Variants in MKLN1 observed in about 807,000 individuals in gnomAD.
MKLN1 encodes the protein muskelin.
In MKLN1, 18 loss-of-function variants were observed where a neutral mutation model predicts 99.0. The ratio of observed to expected loss-of-function variants is 0.18; its 90% CI spans 0.13 to 0.27. MKLN1 has a LOEUF of 0.27. Ranked by LOEUF, MKLN1 falls within the 10% of genes least tolerant of loss-of-function variation. MKLN1 has a pLI of 1.00. For missense variants in MKLN1, 621 were observed against 875.9 expected (o/e 0.71, Z 3.67); for synonymous variants, 288 against 293.2 (o/e 0.98, Z 0.18).
intron 3 of MKLN1, among the ~76,000 whole-genome samples, chr7:131,230,168 T>C (rs1305588132): frequency 6.6e-6 from 1 of 152,182 alleles, no homozygotes; most frequent in Admixed American, 6.5e-5. Context: ...TTTGGTATCT[T>C]ACTGCCATAA....
In MKLN1 at chr7:131,301,988, C is replaced by T. The variant is rs369134896; in HGVS notation, c.-178-73436C>T. Among the ~76,000 whole-genome samples, 6 of 152,184 alleles carry T rather than the reference C, an allele frequency of 3.9e-5. No homozygotes were observed. In the East Asian group the frequency reaches 9.6e-4, roughly 24 times the overall value. On this transcript the variant is annotated intron_variant, in intron 3 of 7. Coordinates refer to the MKLN1 transcript ENST00000416992. ...GAAGGGATTCTGATATGACAACTTTCATGTGAAATAGGAAAAGTTTAATTG... is the reference window on the plus strand; with the variant it reads ...GAAGGGATTCTGATATGACAACTTTTATGTGAAATAGGAAAAGTTTAATTG...
intron 12 of MKLN1, among the ~76,000 whole-genome samples, chr7:131,456,776 C>T (rs1165025467): frequency 6.6e-6 from 1 of 152,076 alleles, no homozygotes; most frequent in East Asian, 1.9e-4. Flanking sequence ...TGCTTCAGAA[C>T]CCTATGACTT....
At chr7:131,166,265 A>C (rs1302706808) in intron 2 of MKLN1, among the ~76,000 whole-genome samples, 2 of 152,132 alleles carry the variant, frequency 1.3e-5, no homozygotes, top group Admixed American at 6.6e-5. Context: ...GAGTCAGAGG[A>C]TGGAGATGCT....
intron 2 of MKLN1, among the ~76,000 whole-genome samples, chr7:131,192,078 C>CATAT (rs1554534633): frequency 1.1e-4 from 9 of 84,088 alleles, no homozygotes; most frequent in African/African-American, 4.3e-4. Context: ...TATATATATA[C>CATAT]ATATATATTA....
chr7:131,475,386 G>T (rs1027660621), intron 16 of MKLN1, among the ~76,000 whole-genome samples: 1 of 152,024 alleles, frequency 6.6e-6, no homozygotes, highest in Admixed American at 6.6e-5. Context: ...AAAACTCTAG[G>T]CCCATAATAG....
chr7:131,420,096 G>A (rs915067382), intron 8 of MKLN1, among the ~76,000 whole-genome samples: 1 of 152,002 alleles, frequency 6.6e-6, no homozygotes, highest in African/African-American at 2.4e-5. Flanking sequence ...GCTAAATGAC[G>A]AGTTGATGGG....
chr7:131,114,909 C>A (rs534471751), intron 1 of MKLN1, among the ~76,000 whole-genome samples: 1 of 151,224 alleles, frequency 6.6e-6, no homozygotes, highest in African/African-American at 2.4e-5. Flanking sequence ...GCACTCCAGC[C>A]TGGGCAACAG....
chr7:131,371,142 C>A (rs1198796667), intron 1 of MKLN1, among the ~76,000 whole-genome samples: 1 of 151,958 alleles, frequency 6.6e-6, no homozygotes, highest in Non-Finnish European at 1.5e-5. Flanking sequence ...TTGTTCATAT[C>A]ATTATCAGAT....
intron 3 of MKLN1, among the ~76,000 whole-genome samples, chr7:131,263,577 T>TTC (rs1797766191): frequency 6.8e-6 from 1 of 148,062 alleles, no homozygotes; most frequent in Admixed American, 6.8e-5. Flanking sequence ...TGATTGCACT[T>TTC]TTTTTTTTTT....
At chr7:131,397,450 G>T in intron 5 of MKLN1, 74 bp downstream of exon 5, 1 of 760,060 alleles carries the variant, frequency 1.3e-6, no homozygotes, top group Non-Finnish European at 2.1e-6. Context: ...TCTTCATTGA[G>T]AATAATTTAA....
intron 1 of MKLN1, among the ~76,000 whole-genome samples, chr7:131,336,862 A>T (rs901773737): frequency 6.6e-6 from 1 of 152,102 alleles, no homozygotes; most frequent in Non-Finnish European, 1.5e-5. Flanking sequence ...ACATGCTTCC[A>T]TCTGAGATTA....
At chr7:131,453,623 AC>A (rs1796249456) in intron 12 of MKLN1, among the ~76,000 whole-genome samples, 1 of 152,162 alleles carries the variant, frequency 6.6e-6, no homozygotes, top group African/African-American at 2.4e-5. Flanking sequence ...TAAGTTTCAT[AC>A]TTAAGAAATA....
chr7:131,411,239 T>A (rs1283944547), intron 6 of MKLN1, 67 bp from the exon 7 acceptor site: 2 of 955,234 alleles, frequency 2.1e-6, no homozygotes, highest in Non-Finnish European at 3.1e-6. Flanking sequence ...TAAATTTTAA[T>A]TTTTTTCTAT....
At chr7:131,436,738 A>T (rs866064987) in intron 9 of MKLN1, among the ~76,000 whole-genome samples, 1 of 152,148 alleles carries the variant, frequency 6.6e-6, no homozygotes, top group Non-Finnish European at 1.5e-5. Context: ...ACCCTATGCA[A>T]TTGAAGTTCT....
intron 3 of MKLN1, among the ~76,000 whole-genome samples, chr7:131,204,437 G>A (rs1456246650): frequency 6.6e-6 from 1 of 152,142 alleles, no homozygotes; most frequent in Non-Finnish European, 1.5e-5. Context: ...TTTTTAGAAA[G>A]GGAAATATCT....
At chr7:131,247,062 T>C (rs542358767) in intron 3 of MKLN1, among the ~76,000 whole-genome samples, 1 of 152,224 alleles carries the variant, frequency 6.6e-6, no homozygotes, top group Admixed American at 6.5e-5. Context: ...GGCAAACTGG[T>C]GTTGACAAGT....
At chr7:131,475,542 G>A (rs531835862) in intron 16 of MKLN1, among the ~76,000 whole-genome samples, 1 of 152,320 alleles carries the variant, frequency 6.6e-6, no homozygotes, top group South Asian at 2.1e-4. Flanking sequence ...AGCTGGGCGT[G>A]GTGGCTCACG....
chr7:131,196,739 T>A (rs551040039), intron 2 of MKLN1, among the ~76,000 whole-genome samples: 20 of 152,194 alleles, frequency 1.3e-4, no homozygotes, highest in Admixed American at 3.3e-4. Context: ...CTTCTCCTTC[T>A]AGCTTGCTCT....
intron 1 of MKLN1, among the ~76,000 whole-genome samples, chr7:131,370,698 T>G (rs1473837458): frequency 2.0e-5 from 3 of 152,126 alleles, no homozygotes; most frequent in African/African-American, 7.2e-5. Context: ...CAAGTTCTTC[T>G]CACCTTTAGG....
Sources: gnomAD v4.1 joint callset for allele counts (sites outside exome capture counted in the v4.1 genomes callset) on GRCh38, gnomAD v4.1.1 for gene constraint, MANE v1.5 for transcripts, NCBI Gene and HGNC (gene_info 2026-07-23, HGNC 2026-07-21) for gene names.